Variants in NLGN1 observed in about 807,000 individuals in gnomAD.
The protein encoded by NLGN1 is neuroligin-1.
NLGN1 carries 12 observed loss-of-function variants against 65.5 expected under a neutral mutation model. That is an observed-to-expected ratio of 0.18 (90% CI 0.12 to 0.30). The LOEUF (loss-of-function observed/expected upper bound fraction) is 0.30, where lower values mean the gene tolerates loss of function less well. Ranked by LOEUF, NLGN1 falls within the 10% of genes least tolerant of loss-of-function variation. The pLI is 1.00. For synonymous variants in NLGN1, 350 were observed against 359.5 expected, an observed-to-expected ratio of 0.97 and a Z score of 0.30; for missense variants, 750 against 1,007.1, an observed-to-expected ratio of 0.74 and a Z score of 3.46.
intron 3 of NLGN1, among the ~76,000 whole-genome samples, chr3:173,622,201 A>G (rs1560065995): frequency 6.6e-6 from 1 of 152,096 alleles, no homozygotes; most frequent in Non-Finnish European, 1.5e-5. Flanking sequence ...ATGACAATCC[A>G]AGATTGAGGA....
chr3:173,461,324 C>T (rs1233223127), intron 2 of NLGN1, among the ~76,000 whole-genome samples: 1 of 151,914 alleles, frequency 6.6e-6, no homozygotes, highest in Non-Finnish European at 1.5e-5. Context: ...AATGTAGGGT[C>T]CTGAGTGTAC....
chr3:173,587,776 A>G (rs1392954439), intron 2 of NLGN1, among the ~76,000 whole-genome samples: 4 of 152,172 alleles, frequency 2.6e-5, no homozygotes, highest in Non-Finnish European at 5.9e-5. Context: ...GCTTATCACT[A>G]TGTAAAAACT....
At chr3:173,590,445 G>A (rs576186284) in intron 2 of NLGN1, among the ~76,000 whole-genome samples, 84 of 152,258 alleles carry the variant, frequency 5.5e-4, no homozygotes, top group African/African-American at 6.5e-4. Flanking sequence ...GAAGGAAAGC[G>A]TTTTTTGTTT....
intron 3 of NLGN1, among the ~76,000 whole-genome samples, chr3:173,712,059 T>C (rs1245971606): frequency 6.6e-6 from 1 of 152,184 alleles, no homozygotes; most frequent in East Asian, 1.9e-4. Flanking sequence ...TCAGGAAGCT[T>C]TAAAAAGCAA....
At chr3:173,901,356 ATT>A (rs201502744) in intron 4 of NLGN1, among the ~76,000 whole-genome samples, 34 of 138,862 alleles carry the variant, frequency 2.4e-4, no homozygotes, top group African/African-American at 6.8e-4. Flanking sequence ...AAAAACTAGT[ATT>A]TTTTTTGGGG....
intron 2 of NLGN1, among the ~76,000 whole-genome samples, chr3:173,553,815 C>G (rs980780994): frequency 6.6e-6 from 1 of 152,140 alleles, no homozygotes; most frequent in African/African-American, 2.4e-5. Context: ...CAGAAGGGCT[C>G]TTAGCTATTT....
intron 1 of NLGN1, among the ~76,000 whole-genome samples, chr3:173,401,503 G>A (rs1005344209): frequency 3.3e-5 from 5 of 152,128 alleles, no homozygotes; most frequent in Admixed American, 2.0e-4. Flanking sequence ...AGAAGGAAGA[G>A]GAGGGAAAGA....
intron 4 of NLGN1, among the ~76,000 whole-genome samples, chr3:174,187,969 A>C (rs757169671): frequency 6.6e-6 from 1 of 152,064 alleles, no homozygotes; most frequent in Non-Finnish European, 1.5e-5. Flanking sequence ...TTACATGTTT[A>C]TTGAATGAAT....
chr3:173,584,993 G>T (rs910169660), intron 2 of NLGN1: 3 of 152,202 alleles, frequency 2.0e-5, no homozygotes, highest in African/African-American at 4.8e-5. Context: ...AGGGACCGGG[G>T]AAAGATGAGG....
intron 4 of NLGN1, among the ~76,000 whole-genome samples, chr3:173,888,575 T>C (rs773414160): frequency 6.6e-5 from 10 of 152,060 alleles, no homozygotes; most frequent in Non-Finnish European, 1.3e-4. Flanking sequence ...TAAAACATCA[T>C]AAACTAAATA....
chr3:173,505,896 C>G (rs2149077252), intron 2 of NLGN1, among the ~76,000 whole-genome samples: 1 of 152,080 alleles, frequency 6.6e-6, no homozygotes, highest in South Asian at 2.1e-4. Flanking sequence ...GTACAACACC[C>G]AAAATAATAA....
At chr3:173,999,361 G>A (rs1387943868) in intron 4 of NLGN1, among the ~76,000 whole-genome samples, 1 of 151,918 alleles carries the variant, frequency 6.6e-6, no homozygotes, top group Non-Finnish European at 1.5e-5. Flanking sequence ...ACTCAGCAAG[G>A]CTTTAAAAAT....
intron 4 of NLGN1, among the ~76,000 whole-genome samples, chr3:174,078,471 A>T (rs1307227919): frequency 6.6e-6 from 1 of 152,182 alleles, no homozygotes; most frequent in Non-Finnish European, 1.5e-5. Context: ...ATGTTGTCTT[A>T]ATTTTGTTTT....
At chr3:173,720,667 A>G (rs909431432) in intron 3 of NLGN1, among the ~76,000 whole-genome samples, 7 of 152,210 alleles carry the variant, frequency 4.6e-5, no homozygotes, top group Non-Finnish European at 1.0e-4. Context: ...TTGCTATGTG[A>G]ATACATTTTA....
At chr3:173,725,666 T>C (rs1771643046) in intron 3 of NLGN1, among the ~76,000 whole-genome samples, 1 of 152,162 alleles carries the variant, frequency 6.6e-6, no homozygotes, top group African/African-American at 2.4e-5. Context: ...CACATACATT[T>C]ATTATGTCAG....
chr3:173,878,322 G>A (rs1419789473), intron 4 of NLGN1, among the ~76,000 whole-genome samples: 1 of 152,058 alleles, frequency 6.6e-6, no homozygotes, highest in Admixed American at 6.6e-5. Context: ...TTACAGGCGT[G>A]AGCCACTGCG....
At chr3:173,721,610 C>T (rs1770848491) in intron 3 of NLGN1, among the ~76,000 whole-genome samples, 1 of 152,094 alleles carries the variant, frequency 6.6e-6, no homozygotes, top group African/African-American at 2.4e-5. Flanking sequence ...TATTTTACAA[C>T]AACCCATTGG....
At chr3:173,463,505 A>G (rs1355338479) in intron 2 of NLGN1, among the ~76,000 whole-genome samples, 1 of 152,162 alleles carries the variant, frequency 6.6e-6, no homozygotes, top group Non-Finnish European at 1.5e-5. Flanking sequence ...GTTCTCTTGT[A>G]GTGTCTCTGC....
rs9820400 is a variant in NLGN1, at chr3:173,501,944, A to G, written c.-321+66866A>G. Among the ~76,000 whole-genome samples the G allele has an allele frequency of 9.0e-3, 1,370 of 152,184 alleles. 24 individuals carry two copies. Among genetic ancestry groups the G allele is most frequent in the African/African-American group, 0.032 (1,320 of 41,536 alleles). On this transcript the variant is annotated intron_variant, in intron 2 of 6. Transcript: ENST00000457714. The stretch of plus-strand genomic sequence containing the variant: ...TTGGTACAGTCATGGTCTTATAATA[A>G]TAAGGCAGTGTCTGAGTACTCACAG...
Sources: allele counts gnomAD v4.1 joint callset (sites outside exome capture counted in the v4.1 genomes callset), GRCh38; gene constraint gnomAD v4.1.1; transcripts MANE v1.5; gene names NCBI Gene and HGNC (gene_info 2026-07-23, HGNC 2026-07-21).